Variants in NXPH2 observed in about 807,000 individuals in gnomAD.
NXPH2 encodes the protein neurexophilin-2.
A neutral mutation model predicts 19.8 loss-of-function variants in NXPH2; 5 were observed. The observed-to-expected ratio is 0.25, with a 90% confidence interval of 0.13 to 0.53. The LOEUF is 0.53. NXPH2 is among the 20% of genes least tolerant of loss of function. NXPH2 has a pLI of 0.96. For missense variants in NXPH2, 289 were observed against 322.8 expected, an observed-to-expected ratio of 0.90 and a Z score of 0.80; for synonymous variants, 154 against 127.4, an observed-to-expected ratio of 1.21 and a Z score of -1.41.
Position 138,753,483 on chromosome 2 carries a change from A to G in NXPH2, c.51+26708T>C, listed in dbSNP as rs141736369. On this transcript the variant is annotated intron_variant, in intron 1 of 1. Coordinates refer to ENST00000272641, the MANE Select transcript of NXPH2 (RefSeq NM_007226.3). The stretch of plus-strand genomic sequence containing the variant: ...CTTTTCTTGTATGAAAAATGGTATT[A>G]GAAACCAAAATCTGGTTTCTAGGCA... Among the ~76,000 whole-genome samples, 7 of 152,328 alleles carry G rather than the reference A, an allele frequency of 4.6e-5. No individual in the cohort carries two copies. In the East Asian group the frequency reaches 1.4e-3, roughly 29 times the overall value.
chr2:138,688,863 C>G (rs1680703802), intron 1 of NXPH2, among the ~76,000 whole-genome samples: 1 of 152,166 alleles, frequency 6.6e-6, no homozygotes, highest in Non-Finnish European at 1.5e-5. Flanking sequence ...CTTTATACTC[C>G]TATAGTAGCA....
At chr2:138,729,780 T>C (rs1681417898) in intron 1 of NXPH2, among the ~76,000 whole-genome samples, 1 of 152,208 alleles carries the variant, frequency 6.6e-6, no homozygotes, top group Non-Finnish European at 1.5e-5. Context: ...CTTTCAAACA[T>C]GACCCTGTAT....
intron 1 of NXPH2, among the ~76,000 whole-genome samples, chr2:138,755,481 T>C (rs2104835841): frequency 6.6e-6 from 1 of 152,268 alleles, no homozygotes; most frequent in South Asian, 2.1e-4. Flanking sequence ...GCTGACTATA[T>C]TTGTGCAGGG....
chr2:138,748,512 G>C (rs1276733791), intron 1 of NXPH2, among the ~76,000 whole-genome samples: 2 of 152,122 alleles, frequency 1.3e-5, no homozygotes, highest in Non-Finnish European at 2.9e-5. Flanking sequence ...ATGTGGTAGT[G>C]CCTGGAACAA....
intron 1 of NXPH2, among the ~76,000 whole-genome samples, chr2:138,751,722 G>C (rs1469038676): frequency 6.6e-6 from 1 of 152,076 alleles, no homozygotes; most frequent in Non-Finnish European, 1.5e-5. Flanking sequence ...ATTATAATAA[G>C]TGTATTAACC....
At chr2:138,706,266 A>G (rs535594179) in intron 1 of NXPH2, among the ~76,000 whole-genome samples, 22 of 152,344 alleles carry the variant, frequency 1.4e-4, no homozygotes, top group African/African-American at 5.3e-4. Flanking sequence ...AGCTGAGGGA[A>G]CTGATGCTTA....
rs186391690 is a variant in NXPH2 at position 138,756,563 on chromosome 2, A to G, written c.51+23628T>C. On this transcript the variant is annotated intron_variant, in intron 1 of 1. Coordinates refer to ENST00000272641, the MANE Select transcript of NXPH2 (RefSeq NM_007226.3). ...TTCAAAAGTGTTTAACTGAATTTTT[A>G]TGAAAGAAAATCTCTTGCTCTTGGG... is the stretch of plus-strand genomic sequence containing the variant. 1.7e-3 allele frequency among the ~76,000 whole-genome samples: 251 copies of G among 151,882 alleles called. 1 individual carries two copies. Among genetic ancestry groups the G allele is most frequent in the African/African-American group, 5.3e-3 (218 of 41,418 alleles).
At chr2:138,692,313 T>A (rs1680757778) in intron 1 of NXPH2, among the ~76,000 whole-genome samples, 1 of 152,202 alleles carries the variant, frequency 6.6e-6, no homozygotes, top group South Asian at 2.1e-4. Flanking sequence ...GATATGAAGG[T>A]CATGTTTATA....
chr2:138,751,304 T>A (rs1232502474), intron 1 of NXPH2, among the ~76,000 whole-genome samples: 2 of 152,170 alleles, frequency 1.3e-5, no homozygotes, highest in Admixed American at 6.6e-5. Flanking sequence ...TTAGGGAAGA[T>A]AATTTTAAGA....
intron 1 of NXPH2, among the ~76,000 whole-genome samples, chr2:138,763,982 G>T (rs906605295): frequency 2.0e-5 from 3 of 152,100 alleles, no homozygotes; most frequent in Non-Finnish European, 2.9e-5. Context: ...TGATATTGCA[G>T]AGACTGACAT....
intron 1 of NXPH2, among the ~76,000 whole-genome samples, chr2:138,753,256 C>A (rs1181666131): frequency 6.6e-6 from 1 of 152,118 alleles, no homozygotes; most frequent in Non-Finnish European, 1.5e-5. Flanking sequence ...CTGTTGTTCA[C>A]ATTGACCAAG....
At chr2:138,751,071 T>C (rs1433849476) in intron 1 of NXPH2, among the ~76,000 whole-genome samples, 4 of 129,378 alleles carry the variant, frequency 3.1e-5, no homozygotes, top group Admixed American at 8.5e-5. Context: ...GTTTCCTGCA[T>C]AGCATCCTTT....
At chr2:138,769,892 T>A (rs931352371) in intron 1 of NXPH2, among the ~76,000 whole-genome samples, 3 of 152,128 alleles carry the variant, frequency 2.0e-5, no homozygotes, top group Admixed American at 6.5e-5. Flanking sequence ...TACAAAACAA[T>A]TAATATAATA....
At chr2:138,700,617 C>G (rs2104981659) in intron 1 of NXPH2, among the ~76,000 whole-genome samples, 1 of 152,148 alleles carries the variant, frequency 6.6e-6, no homozygotes, top group South Asian at 2.1e-4. Context: ...CTCTTTAGGC[C>G]TCTCTGTTCA....
At chr2:138,762,821 A>T (rs1241465890) in intron 1 of NXPH2, among the ~76,000 whole-genome samples, 1 of 152,222 alleles carries the variant, frequency 6.6e-6, no homozygotes, top group Non-Finnish European at 1.5e-5. Context: ...CCCTTTATCT[A>T]CTGGAAACAA....
chr2:138,727,384 C>A (rs1273039128), intron 1 of NXPH2, among the ~76,000 whole-genome samples: 4 of 152,136 alleles, frequency 2.6e-5, no homozygotes, highest in Admixed American at 2.6e-4. Context: ...AACATCCTTG[C>A]CAGGATATAG....
intron 1 of NXPH2, among the ~76,000 whole-genome samples, chr2:138,694,040 A>G (rs1226431759): frequency 1.3e-5 from 2 of 152,214 alleles, no homozygotes; most frequent in African/African-American, 2.4e-5. Context: ...CAGCCAATCA[A>G]GAGCAGCCAA....
At chr2:138,677,234 C>T (rs76989386) in intron 1 of NXPH2, among the ~76,000 whole-genome samples, 3,524 of 152,202 alleles carry the variant, frequency 0.023, 56 homozygotes, top group Non-Finnish European at 0.035. Flanking sequence ...TGTCTTTTCC[C>T]CCATCATATT....
intron 1 of NXPH2, among the ~76,000 whole-genome samples, chr2:138,736,412 A>C (rs10178501): frequency 0.94 from 142,475 of 152,316 alleles, 66,948 homozygotes; most frequent in East Asian, 1. Flanking sequence ...GGGGCTTGCA[A>C]CCTCTGAAGC....
Sources: allele counts gnomAD v4.1 joint callset (sites outside exome capture counted in the v4.1 genomes callset), GRCh38; gene constraint gnomAD v4.1.1; transcripts MANE v1.5; gene names NCBI Gene and HGNC (gene_info 2026-07-23, HGNC 2026-07-21).